Variants in CSMD1 observed in about 807,000 individuals in gnomAD.
CSMD1 encodes the protein CUB and Sushi multiple domains 1.
A neutral mutation model predicts 417.5 loss-of-function variants in CSMD1; 213 were observed. The observed-to-expected ratio is 0.51, with a 90% CI of 0.46 to 0.57. CSMD1 has a LOEUF of 0.57. Among genes scored for constraint, CSMD1 ranks in the 20% least tolerant of loss-of-function variants. The pLI is 0.00. For missense variants in CSMD1, 6,923 were observed against 4,529.7 expected (o/e 1.53, Z -15.17); for synonymous variants, 2,862 against 1,736.8 (o/e 1.65, Z -16.11).
chr8:3,709,532 ATCAGCTGAC>A (rs1334840858), intron 6 of CSMD1, among the ~76,000 whole-genome samples: 1 of 151,990 alleles, frequency 6.6e-6, no homozygotes, highest in East Asian at 1.9e-4. Context: ...TAACATTTGA[ATCAGCTGAC>A]TCAGGAAAGA....
intron 3 of CSMD1, among the ~76,000 whole-genome samples, chr8:4,354,870 G>GTGTT (rs1407101514): frequency 8.6e-6 from 1 of 116,952 alleles, no homozygotes; most frequent in Non-Finnish European, 1.6e-5. Flanking sequence ...AATGTAGTGT[G>GTGTT]TGTGTGTGTG....
chr8:4,098,531 A>C (rs2130870152), intron 3 of CSMD1, among the ~76,000 whole-genome samples: 1 of 152,296 alleles, frequency 6.6e-6, no homozygotes, highest in African/African-American at 2.4e-5. Context: ...AGTCAACCAC[A>C]GAGAGCTGAG....
chr8:3,526,873 G>C (rs1288889390), intron 10 of CSMD1, among the ~76,000 whole-genome samples: 2 of 152,148 alleles, frequency 1.3e-5, no homozygotes, highest in South Asian at 2.1e-4. Context: ...TCTTTGGAGA[G>C]GTAAAGTGCT....
intron 3 of CSMD1, among the ~76,000 whole-genome samples, chr8:4,121,843 G>A (rs994076380): frequency 6.6e-6 from 1 of 151,864 alleles, no homozygotes. Context: ...GACAAAAAAA[G>A]CATTCTTTTT....
chr8:4,259,194 T>C (rs1803699236), intron 3 of CSMD1, among the ~76,000 whole-genome samples: 1 of 152,176 alleles, frequency 6.6e-6, no homozygotes, highest in Non-Finnish European at 1.5e-5. Context: ...AGAAGTCACT[T>C]TCCAGCCCAC....
chr8:4,943,546 T>C (rs1033340125), intron 1 of CSMD1, among the ~76,000 whole-genome samples: 65 of 151,486 alleles, frequency 4.3e-4, no homozygotes, highest in African/African-American at 1.6e-3. Context: ...AATAAAATCA[T>C]CACCTCTCTG....
intron 1 of CSMD1, among the ~76,000 whole-genome samples, chr8:4,792,292 G>A (rs1012078212): frequency 1.3e-5 from 2 of 152,118 alleles, no homozygotes; most frequent in Non-Finnish European, 2.9e-5. Flanking sequence ...CCCTATAAAG[G>A]TGCATGGTCC....
chr8:3,942,299 C>A (rs1241339972), intron 5 of CSMD1, among the ~76,000 whole-genome samples: 3 of 152,098 alleles, frequency 2.0e-5, no homozygotes, highest in African/African-American at 7.2e-5. Flanking sequence ...TGAAACCAAT[C>A]CCTCCTCTTC....
intron 2 of CSMD1, among the ~76,000 whole-genome samples, chr8:4,593,179 G>C (rs1479120304): frequency 6.6e-6 from 1 of 152,140 alleles, no homozygotes; most frequent in Admixed American, 6.5e-5. Context: ...AGTCACTGAA[G>C]TGCATACAAA....
At chr8:4,252,669 A>C (rs1024951278) in intron 3 of CSMD1, among the ~76,000 whole-genome samples, 1 of 152,356 alleles carries the variant, frequency 6.6e-6, no homozygotes, top group Admixed American at 6.5e-5. Context: ...ACAGGCTTTT[A>C]TGTGGAGTTA....
intron 55 of CSMD1, among the ~76,000 whole-genome samples, chr8:2,978,239 G>T (rs181959479): frequency 6.6e-6 from 1 of 152,302 alleles, no homozygotes; most frequent in South Asian, 2.1e-4. Context: ...TGGGCTGAGC[G>T]AGAGTAAGAC....
chr8:3,284,972 G>A (rs1178328164), intron 25 of CSMD1, among the ~76,000 whole-genome samples: 1 of 152,036 alleles, frequency 6.6e-6, no homozygotes, highest in South Asian at 2.1e-4. Flanking sequence ...AGACTTCCAG[G>A]TATTTTTCAG....
intron 1 of CSMD1, chr8:4,787,620 T>G: frequency 2.6e-6 from 4 of 1,565,768 alleles, no homozygotes; most frequent in Non-Finnish European, 3.5e-6. Context: ...TGCAGAAGAA[T>G]AGCAACTGGT....
chr8:4,030,444 T>A (rs1797284271), intron 4 of CSMD1, among the ~76,000 whole-genome samples: 1 of 152,216 alleles, frequency 6.6e-6, no homozygotes, highest in African/African-American at 2.4e-5. Context: ...GCTTACATCC[T>A]CTGATGACAC....
At position 3,586,173 on chromosome 8, in the gene CSMD1, C is replaced by G; in HGVS notation, c.1185G>C (p.Thr395=). The G allele has an allele frequency of 6.2e-7, 1 of 1,612,640 alleles. No homozygotes were observed. Among genetic ancestry groups the G allele is most frequent in the Non-Finnish European group, 8.5e-7 (1 of 1,179,418 alleles). ...KSITCQRVTE[T]LAAWSDHRPI... ...GCCTGTGGTCACTCCAAGCAGCGAG[C>G]GTCTCTGTAACTCTCTGACAGGTGA... is the stretch of plus-strand genomic sequence containing the variant. The change falls in exon 9 of 70, where the codon ACG becomes ACC. Residue 395 remains threonine, a synonymous_variant. Transcript: ENST00000635120.
intron 3 of CSMD1, among the ~76,000 whole-genome samples, chr8:4,340,130 T>A (rs1262921017): frequency 6.6e-6 from 1 of 152,136 alleles, no homozygotes; most frequent in Non-Finnish European, 1.5e-5. Flanking sequence ...TCTCTCCTCT[T>A]TCAGGGCTCT....
chr8:4,677,692 C>T (rs1805781861), intron 1 of CSMD1, among the ~76,000 whole-genome samples: 1 of 152,060 alleles, frequency 6.6e-6, no homozygotes, highest in Admixed American at 6.6e-5. Context: ...TCTACTTTGA[C>T]TCACCGTTAG....
At chr8:3,029,566 G>C in intron 50 of CSMD1, 53 bp from the exon 51 acceptor site, 2 of 1,480,554 alleles carry the variant, frequency 1.4e-6, no homozygotes, top group Non-Finnish European at 1.8e-6. Context: ...GAAAACATCA[G>C]ACCGTGCTTG....
intron 2 of CSMD1, among the ~76,000 whole-genome samples, chr8:4,558,465 G>C (rs574588775): frequency 2.0e-5 from 3 of 152,282 alleles, no homozygotes; most frequent in Non-Finnish European, 4.4e-5. Context: ...GTTGCAGTTT[G>C]ACTTCAAAGT....
Sources: allele counts gnomAD v4.1 joint callset (sites outside exome capture counted in the v4.1 genomes callset), GRCh38; gene constraint gnomAD v4.1.1; transcripts MANE v1.5; gene names NCBI Gene and HGNC (gene_info 2026-07-23, HGNC 2026-07-21).